The following RGSL1 variants were observed in gnomAD, a reference collection of about 807,000 sequenced individuals.
RGSL1 encodes regulator of G protein signaling like 1.
A neutral mutation model predicts 124.7 loss-of-function variants in RGSL1; 97 were observed. The observed-to-expected ratio is 0.78, with a 90% CI of 0.66 to 0.92. RGSL1 has a LOEUF of 0.92. RGSL1 is among the 40% of genes least tolerant of loss of function. RGSL1 has a pLI of 0.00. For synonymous variants in RGSL1, 424 were observed against 438.1 expected (o/e 0.97, Z 0.40); for missense variants, 1,233 against 1,288.4 (o/e 0.96, Z 0.66).
At chr1:182,511,455 A>C (rs1049548149) in intron 9 of RGSL1, among the ~76,000 whole-genome samples, 12 of 152,138 alleles carry the variant, frequency 7.9e-5, no homozygotes, top group Non-Finnish European at 1.2e-4. Context: ...TACAGGTATG[A>C]GCCACCGCGC....
At chr1:182,478,030 T>C (rs1323081233) in intron 6 of RGSL1, among the ~76,000 whole-genome samples, 2 of 152,204 alleles carry the variant, frequency 1.3e-5, no homozygotes, top group East Asian at 3.8e-4. Context: ...AAATAACATC[T>C]GAAAAAAAAT....
intron 6 of RGSL1, among the ~76,000 whole-genome samples, chr1:182,483,168 G>A (rs1654838419): frequency 1.3e-5 from 2 of 152,042 alleles, no homozygotes; most frequent in South Asian, 4.1e-4. Context: ...TAAATTTACT[G>A]TACAACATAT....
At chr1:182,516,169 T>C (rs1657878548) in intron 9 of RGSL1, among the ~76,000 whole-genome samples, 1 of 152,154 alleles carries the variant, frequency 6.6e-6, no homozygotes, top group Admixed American at 6.5e-5. Flanking sequence ...CGATATTCCT[T>C]TACCCACAGG....
Position 182,454,043 on chromosome 1 carries a change from A to G in RGSL1, c.96+3A>G. 6.8e-7 allele frequency: 1 copy of G among 1,477,130 alleles called. No individual in the cohort carries two copies. Among genetic ancestry groups the G allele is most frequent in the South Asian group, 1.2e-5 (1 of 82,576 alleles). 91.5% of individuals were successfully genotyped at this position (1,477,130 alleles called of 1,614,324 possible). On this transcript the variant is annotated splice_donor_region_variant and intron_variant, in intron 2 of 21. Transcript: ENST00000294854. ...TCAACACATTTCTTTCCCTCCCGGTAAGCATTCTCAGATTTAAATACAAAT... is the reference window on the plus strand; with the variant it reads ...TCAACACATTTCTTTCCCTCCCGGTGAGCATTCTCAGATTTAAATACAAAT...
At chr1:182,555,163 T>G (rs924872851) in intron 20 of RGSL1, 3 of 157,762 alleles carry the variant, frequency 1.9e-5, no homozygotes, top group Non-Finnish European at 4.2e-5. Context: ...AAGTCTCCAG[T>G]GTCTATTATT....
chr1:182,548,899 C>T, intron 17 of RGSL1, 75 bp downstream of exon 17: 2 of 1,503,582 alleles, frequency 1.3e-6, no homozygotes, highest in Non-Finnish European at 1.8e-6. Context: ...TTCTGCCTTC[C>T]TCTAGCACTC....
Position 182,511,945 on chromosome 1 carries a change from A to C in RGSL1, c.1826-10059A>C, listed in dbSNP as rs114048355. ...GCGTTTTGTAATTTTTCTTGTATAG[A>C]TCTTTCACTTCTTTGGTTAAATTGA... On this transcript the variant is annotated intron_variant, in intron 9 of 21. Transcript: ENST00000294854. Among the ~76,000 whole-genome samples, 471 of 152,106 alleles carry C rather than the reference A, an allele frequency of 3.1e-3. 6 individuals are homozygous for C. The highest frequency in any genetic ancestry group is 0.011 in the African/African-American group (448 of 41,488).
chr1:182,519,003 A>T (rs1260603184), intron 9 of RGSL1, among the ~76,000 whole-genome samples: 1 of 146,758 alleles, frequency 6.8e-6, no homozygotes, highest in African/African-American at 2.7e-5. Context: ...TTTCTTTTAG[A>T]TTAAAATGGG....
intron 21 of RGSL1, among the ~76,000 whole-genome samples, chr1:182,559,768 G>T (rs1195341768): frequency 6.6e-6 from 1 of 152,042 alleles, no homozygotes; most frequent in South Asian, 2.1e-4. Context: ...TGCCTAAAGG[G>T]CCCTTCCCTT....
intron 14 of RGSL1, among the ~76,000 whole-genome samples, chr1:182,535,482 A>G (rs546788059): frequency 1.3e-5 from 2 of 152,282 alleles, no homozygotes; most frequent in Admixed American, 6.5e-5. Context: ...CTGGTCACTG[A>G]GTAGGCTGCC....
chr1:182,483,272 A>T (rs1201225532), intron 6 of RGSL1, among the ~76,000 whole-genome samples: 8 of 152,030 alleles, frequency 5.3e-5, no homozygotes, highest in Admixed American at 5.2e-4. Flanking sequence ...GAAAAAAAAA[A>T]GCAAACAAAA....
intron 6 of RGSL1, among the ~76,000 whole-genome samples, chr1:182,480,835 A>G (rs1472907628): frequency 6.6e-6 from 1 of 152,176 alleles, no homozygotes; most frequent in Non-Finnish European, 1.5e-5. Context: ...ATAAATACAC[A>G]GAATTAAACA....
chr1:182,484,574 T>A (rs945059877), intron 6 of RGSL1, among the ~76,000 whole-genome samples: 6 of 152,158 alleles, frequency 3.9e-5, no homozygotes, highest in African/African-American at 1.4e-4. Context: ...GTTCACAGGT[T>A]CGGGGCTCAG....
At chr1:182,494,574 A>G (rs1655780717) in intron 9 of RGSL1, among the ~76,000 whole-genome samples, 1 of 152,196 alleles carries the variant, frequency 6.6e-6, no homozygotes, top group Non-Finnish European at 1.5e-5. Flanking sequence ...ACTGGTCTAG[A>G]CCTACAGAAC....
chr1:182,448,885 C>T (rs990089908), upstream of RGSL1, among the ~76,000 whole-genome samples: 3 of 152,106 alleles, frequency 2.0e-5, no homozygotes, highest in Non-Finnish European at 4.4e-5. Flanking sequence ...GACGGTGGGG[C>T]AGCAATTAGG....
Position 182,493,014 on chromosome 1 carries a change from C to T in RGSL1, c.1718-8C>T, listed in dbSNP as rs371380612. The T allele has an allele frequency of 6.5e-7, 1 of 1,528,050 alleles. No homozygotes were observed. Among genetic ancestry groups the T allele is most frequent in the East Asian group, 2.5e-5 (1 of 40,778 alleles). The allele number at this position is 1,528,050 out of a possible 1,614,324, so 94.7% of individuals were successfully genotyped here. A position where few individuals can be genotyped will look rare whatever the true frequency, so the allele number is the denominator to read the frequency against. On this transcript the variant is annotated splice_region_variant and splice_polypyrimidine_tract_variant and intron_variant, in intron 8 of 21. Coordinates refer to ENST00000294854, the MANE Select transcript of RGSL1 (RefSeq NM_001137669.2). Reference sequence around the variant, plus strand: ...TAAACTCTATCTCTGTTTTTCCTTACTTCACAGACATAACTAAAATGTCCT... The same window carrying T: ...TAAACTCTATCTCTGTTTTTCCTTATTTCACAGACATAACTAAAATGTCCT...
chr1:182,453,888 G>C lies in RGSL1; in HGVS notation c.14-70G>C, dbSNP rs572125399. Reference sequence around the variant, plus strand: ...GCAACGTGAAATGATCCATTCGATTGCTTCATTTTCTGAACCTGAATGCAA... The same window carrying C: ...GCAACGTGAAATGATCCATTCGATTCCTTCATTTTCTGAACCTGAATGCAA... On this transcript the variant is annotated intron_variant, in intron 1 of 21. Coordinates refer to ENST00000294854, the MANE Select transcript of RGSL1 (RefSeq NM_001137669.2). 262 of 821,920 alleles carry C rather than the reference G, an allele frequency of 3.2e-4. 4 individuals are homozygous for C. The South Asian group carries it at 3.7e-3, about 12-fold the overall frequency. The allele number at this position is 821,920 out of a possible 1,614,324, so 50.9% of individuals were successfully genotyped here.
intron 21 of RGSL1, among the ~76,000 whole-genome samples, chr1:182,557,271 G>A (rs137975844): frequency 5.3e-5 from 8 of 152,312 alleles, no homozygotes; most frequent in African/African-American, 1.9e-4. Flanking sequence ...GAACAGGACT[G>A]CAATTAATAG....
chr1:182,545,954 TC>T (rs1660186172), intron 15 of RGSL1, among the ~76,000 whole-genome samples: 4 of 152,336 alleles, frequency 2.6e-5, no homozygotes, highest in South Asian at 4.1e-4. Context: ...AACATGTATG[TC>T]TTTGTCAAGT....
Sources: allele counts gnomAD v4.1 joint callset (sites outside exome capture counted in the v4.1 genomes callset), GRCh38; gene constraint gnomAD v4.1.1; transcripts MANE v1.5; gene names NCBI Gene and HGNC (gene_info 2026-07-23, HGNC 2026-07-21).